The following ZFHX3 variants were observed in gnomAD, a reference collection of about 807,000 sequenced individuals.
The protein encoded by ZFHX3 is zinc finger homeobox protein 3.
ZFHX3 carries 42 observed loss-of-function variants against 279.1 expected under a neutral mutation model. The observed-to-expected ratio is 0.15, with a 90% CI of 0.12 to 0.19. The LOEUF (loss-of-function observed/expected upper bound fraction) is 0.19. Ranked by LOEUF, ZFHX3 falls within the 10% of genes least tolerant of loss-of-function variation. The probability of loss-of-function intolerance (pLI) is 1.00; values close to 1 mark genes in which losing one functional copy is unlikely to be tolerated. For synonymous variants in ZFHX3, 2,293 were observed against 1,957.8 expected, an observed-to-expected ratio of 1.17 and a Z score of -4.52; for missense variants, 4,981 against 4,754.0, an observed-to-expected ratio of 1.05 and a Z score of -1.40.
chr16:72,951,375 C>T (rs780252599), intron 2 of ZFHX3, among the ~76,000 whole-genome samples: 2 of 152,126 alleles, frequency 1.3e-5, no homozygotes, highest in African/African-American at 4.8e-5. Flanking sequence ...ATTCTCCTGC[C>T]TCAGCCTCCC....
intron 1 of ZFHX3, among the ~76,000 whole-genome samples, chr16:73,726,927 C>T (rs1393900033): frequency 5.3e-5 from 8 of 152,194 alleles, no homozygotes. Flanking sequence ...TAGCACGTTG[C>T]CCTCCAGTTG....
chr16:73,537,472 A>G (rs893525745), intron 2 of ZFHX3, among the ~76,000 whole-genome samples: 9 of 151,880 alleles, frequency 5.9e-5, no homozygotes, highest in African/African-American at 1.9e-4. Context: ...ACGTGCTGCC[A>G]CGCCCGGCTA....
At chr16:72,952,611 G>A (rs1286951969) in intron 2 of ZFHX3, among the ~76,000 whole-genome samples, 1 of 152,186 alleles carries the variant, frequency 6.6e-6, no homozygotes, top group African/African-American at 2.4e-5. Flanking sequence ...TGCACGTTCA[G>A]GAAGTGGATT....
intron 2 of ZFHX3, among the ~76,000 whole-genome samples, chr16:73,625,031 G>T (rs994246614): frequency 2.6e-5 from 4 of 152,208 alleles, no homozygotes; most frequent in Admixed American, 2.6e-4. Flanking sequence ...TCCAGTGGCT[G>T]TTCTACACTT....
intron 1 of ZFHX3, among the ~76,000 whole-genome samples, chr16:73,745,755 T>C (rs955880125): frequency 1.3e-5 from 2 of 152,210 alleles, no homozygotes; most frequent in Non-Finnish European, 2.9e-5. Context: ...CTGCCAACTC[T>C]GACCCATTGG....
chr16:73,375,712 T>A (rs983727403), intron 3 of ZFHX3, among the ~76,000 whole-genome samples: 1 of 152,210 alleles, frequency 6.6e-6, no homozygotes, highest in South Asian at 2.1e-4. Flanking sequence ...TTATCCATGA[T>A]AATAATCTAA....
chr16:73,119,818 A>G (rs1164214789), intron 7 of ZFHX3, among the ~76,000 whole-genome samples: 3 of 152,100 alleles, frequency 2.0e-5, no homozygotes, highest in African/African-American at 7.3e-5. Flanking sequence ...AGCTGGGACT[A>G]CAGGCGTGCA....
intron 1 of ZFHX3, among the ~76,000 whole-genome samples, chr16:73,841,720 C>T (rs139094986): frequency 6.6e-6 from 1 of 152,166 alleles, no homozygotes; most frequent in East Asian, 1.9e-4. Context: ...AGTTTCACCC[C>T]GAAGAGAACT....
At chr16:72,895,306 C>T (rs1367383182) in intron 3 of ZFHX3, among the ~76,000 whole-genome samples, 1 of 152,206 alleles carries the variant, frequency 6.6e-6, no homozygotes, top group Non-Finnish European at 1.5e-5. Flanking sequence ...TACTATAAAA[C>T]ACAGGGGCCT....
intron 1 of ZFHX3, among the ~76,000 whole-genome samples, chr16:73,755,556 T>G (rs1172208121): frequency 6.6e-6 from 1 of 152,188 alleles, no homozygotes; most frequent in Non-Finnish European, 1.5e-5. Context: ...ACAATTCAAT[T>G]TTTTTTAAAA....
At chr16:73,675,210 A>G (rs371637094) in intron 2 of ZFHX3, among the ~76,000 whole-genome samples, 1 of 152,134 alleles carries the variant, frequency 6.6e-6, no homozygotes, top group Admixed American at 6.6e-5. Context: ...CAAAGACAGT[A>G]TTAAAGCCAT....
At chr16:73,725,087 G>A (rs1331798788) in intron 1 of ZFHX3, among the ~76,000 whole-genome samples, 1 of 152,158 alleles carries the variant, frequency 6.6e-6, no homozygotes, top group African/African-American at 2.4e-5. Flanking sequence ...AAGGGCCTCA[G>A]TCGAGATGTA....
In ZFHX3 at chr16:73,247,227, T is replaced by C. The variant is rs537668314; in HGVS notation, c.-1104+9820A>G. ...GTATACTGTGTATAAAATGTGTCTG[T>C]GTGTCTATGTACCTGTATGTGGAGT... On this transcript the variant is annotated intron_variant, in intron 5 of 17. Coordinates refer to the ZFHX3 transcript ENST00000641206. Among the ~76,000 whole-genome samples, 17 of 152,160 alleles carry C rather than the reference T, an allele frequency of 1.1e-4. 1 individual carries two copies. In the East Asian group the frequency reaches 3.3e-3, roughly 29 times the overall value.
At chr16:73,636,083 G>A (rs758714114) in intron 2 of ZFHX3, among the ~76,000 whole-genome samples, 3 of 152,118 alleles carry the variant, frequency 2.0e-5, no homozygotes, top group Non-Finnish European at 4.4e-5. Flanking sequence ...TACTCTGCAT[G>A]AGTGAACTTA....
chr16:72,930,649 T>C (rs1959737385), intron 3 of ZFHX3, among the ~76,000 whole-genome samples: 1 of 152,214 alleles, frequency 6.6e-6, no homozygotes. Flanking sequence ...CACTTAGCTC[T>C]TTCAGCCACT....
chr16:73,026,010 A>G (rs1964482769), intron 1 of ZFHX3, among the ~76,000 whole-genome samples: 1 of 151,914 alleles, frequency 6.6e-6, no homozygotes, highest in Admixed American at 6.6e-5. Context: ...ATGCTTCCCA[A>G]AAGGAACACA....
At chr16:72,842,843 A>T (rs2037378069) in intron 4 of ZFHX3, among the ~76,000 whole-genome samples, 1 of 152,228 alleles carries the variant, frequency 6.6e-6, no homozygotes, top group Non-Finnish European at 1.5e-5. Flanking sequence ...GGAGAATGGA[A>T]ATTAAGACAG....
intron 4 of ZFHX3, among the ~76,000 whole-genome samples, chr16:73,287,085 TGTGG>T (rs1224927483): frequency 2.2e-5 from 3 of 135,934 alleles, no homozygotes. Flanking sequence ...TGTGTGGGTG[TGTGG>T]GTAAGTGTGT....
chr16:73,039,426 G>A (rs371559937), intron 1 of ZFHX3, among the ~76,000 whole-genome samples: 30 of 152,326 alleles, frequency 2.0e-4, no homozygotes, highest in African/African-American at 6.7e-4. Context: ...TAGACCAGGA[G>A]AAGCAAATGT....
Sources: gnomAD v4.1 joint callset for allele counts (sites outside exome capture counted in the v4.1 genomes callset) on GRCh38, gnomAD v4.1.1 for gene constraint, MANE v1.5 for transcripts, NCBI Gene and HGNC (gene_info 2026-07-23, HGNC 2026-07-21) for gene names.